PTPRT: variants seen among roughly 807,000 people sequenced by gnomAD.
PTPRT encodes the protein receptor-type tyrosine-protein phosphatase T.
PTPRT carries 56 observed loss-of-function variants against 176.8 expected under a neutral mutation model. The ratio of observed to expected loss-of-function variants is 0.32; its 90% CI spans 0.26 to 0.40. The LOEUF (loss-of-function observed/expected upper bound fraction) is 0.40. Among genes scored for constraint, PTPRT ranks in the 10% least tolerant of loss-of-function variants. PTPRT has a pLI of 1.00. For synonymous variants in PTPRT, 783 were observed against 739.0 expected (o/e 1.06, Z -0.96); for missense variants, 1,540 against 1,908.2 (o/e 0.81, Z 3.60).
intron 8 of PTPRT, among the ~76,000 whole-genome samples, chr20:42,448,718 T>C (rs1320296714): frequency 6.6e-6 from 1 of 152,148 alleles, no homozygotes; most frequent in East Asian, 1.9e-4. Context: ...AGTTTCCAGT[T>C]CTGCCAGAGG....
chr20:43,116,038 G>A (rs1298737766), intron 1 of PTPRT, among the ~76,000 whole-genome samples: 1 of 152,206 alleles, frequency 6.6e-6, no homozygotes, highest in East Asian at 1.9e-4. Context: ...AGTTCCAAAA[G>A]ACAAATCTAA....
intron 9 of PTPRT, among the ~76,000 whole-genome samples, chr20:42,438,126 A>G (rs1360593942): frequency 6.6e-6 from 1 of 152,218 alleles, no homozygotes. Flanking sequence ...CTCTGGGTGC[A>G]CACGCAGTGC....
At chr20:42,128,931 A>G in intron 18 of PTPRT, 101 bp from the exon 19 acceptor site, 1 of 943,858 alleles carries the variant, frequency 1.1e-6, no homozygotes. Flanking sequence ...CATATCAGGC[A>G]TTGTGCTACT....
At chr20:42,086,751 A>ATATATATATATATATAT (rs58059394) in intron 27 of PTPRT, among the ~76,000 whole-genome samples, 21 of 96,458 alleles carry the variant, frequency 2.2e-4, no homozygotes, top group South Asian at 1.1e-3. Flanking sequence ...AAAAAAAAAA[A>ATATATATATATATATAT]AAATATATAT....
chr20:42,124,903 T>A (rs186965778), intron 19 of PTPRT, among the ~76,000 whole-genome samples: 10 of 152,300 alleles, frequency 6.6e-5, no homozygotes, highest in Admixed American at 2.0e-4. Context: ...GATCGCGCCA[T>A]GGGCTCCTAT....
At chr20:43,056,066 G>C (rs1247324696) in intron 1 of PTPRT, among the ~76,000 whole-genome samples, 1 of 152,202 alleles carries the variant, frequency 6.6e-6, no homozygotes, top group Non-Finnish European at 1.5e-5. Context: ...AGTCCACAGA[G>C]AGGAAATGAT....
chr20:42,563,400 T>C (rs2072985258), intron 7 of PTPRT, among the ~76,000 whole-genome samples: 1 of 152,212 alleles, frequency 6.6e-6, no homozygotes, highest in African/African-American at 2.4e-5. Context: ...ACCTCTCATA[T>C]GCTCTTGGTA....
At chr20:42,727,833 G>C (rs115947865) in intron 6 of PTPRT, among the ~76,000 whole-genome samples, 134 of 152,178 alleles carry the variant, frequency 8.8e-4, no homozygotes, top group African/African-American at 3.1e-3. Context: ...AACGTTCTTA[G>C]CTTGGTCAAA....
intron 1 of PTPRT, among the ~76,000 whole-genome samples, chr20:42,960,036 A>G (rs1037073986): frequency 4.0e-5 from 6 of 151,698 alleles, no homozygotes; most frequent in African/African-American, 1.2e-4. Flanking sequence ...CCCATCATCT[A>G]CTCACGGAGT....
intron 9 of PTPRT, among the ~76,000 whole-genome samples, chr20:42,367,859 A>T (rs770057454): frequency 2.6e-5 from 4 of 152,176 alleles, no homozygotes; most frequent in African/African-American, 9.7e-5. Context: ...CCTGGGTGGC[A>T]TGGGGGCTGC....
At chr20:42,407,759 A>G (rs2058975588) in intron 9 of PTPRT, among the ~76,000 whole-genome samples, 1 of 152,202 alleles carries the variant, frequency 6.6e-6, no homozygotes, top group East Asian at 1.9e-4. Flanking sequence ...TCTAAACTTA[A>G]AAAACTTGAG....
At chr20:42,365,288 T>G (rs1005412097) in intron 9 of PTPRT, among the ~76,000 whole-genome samples, 5 of 152,212 alleles carry the variant, frequency 3.3e-5, no homozygotes, top group African/African-American at 1.2e-4. Flanking sequence ...CCAGGGTTTC[T>G]CAATCATTTT....
intron 9 of PTPRT, among the ~76,000 whole-genome samples, chr20:42,371,609 T>C (rs2058588191): frequency 1.3e-5 from 2 of 152,212 alleles, no homozygotes; most frequent in South Asian, 4.1e-4. Flanking sequence ...AGATCCTCAA[T>C]AGATATTTGT....
chr20:42,332,251 C>T (rs182832675), intron 11 of PTPRT, among the ~76,000 whole-genome samples: 81 of 152,066 alleles, frequency 5.3e-4, no homozygotes, highest in Non-Finnish European at 8.8e-5. Flanking sequence ...ACTCTGTCAC[C>T]CAGGCTGGAG....
At chr20:42,773,262 C>A (rs1351197043) in intron 4 of PTPRT, among the ~76,000 whole-genome samples, 1 of 152,146 alleles carries the variant, frequency 6.6e-6, no homozygotes, top group African/African-American at 2.4e-5. Flanking sequence ...TCAGCAAAAG[C>A]CAAGAATCTT....
At chr20:42,169,921 G>C (rs1314296130) in intron 16 of PTPRT, among the ~76,000 whole-genome samples, 1 of 152,064 alleles carries the variant, frequency 6.6e-6, no homozygotes, top group Non-Finnish European at 1.5e-5. Flanking sequence ...GACAAATTCT[G>C]ATGTCCCTAC....
At chr20:42,411,549 A>C (rs933473038) in intron 9 of PTPRT, among the ~76,000 whole-genome samples, 2 of 151,290 alleles carry the variant, frequency 1.3e-5, no homozygotes, top group African/African-American at 4.8e-5. Flanking sequence ...AAGAAAAAAG[A>C]AAAGATCAAT....
rs562301558 is a variant in PTPRT at position 42,108,978 on chromosome 20, C to CTCTT, written c.3254+1351_3254+1354dup. Among the ~76,000 whole-genome samples the CTCTT allele has an allele frequency of 3.5e-4, 54 of 152,318 alleles. 1 individual carries two copies. In the South Asian group the frequency reaches 8.3e-3, roughly 23 times the overall value. The stretch of plus-strand genomic sequence containing the variant: ...TTCTCCCTAACCCTTGATCTGGGTG[C>CTCTT]TCTTTGGGATATAGAGATGGGGGGC... On this transcript the variant is annotated intron_variant, in intron 23 of 30. Coordinates refer to ENST00000373187, the MANE Select transcript of PTPRT (RefSeq NM_007050.6).
intron 7 of PTPRT, among the ~76,000 whole-genome samples, chr20:42,529,330 C>A (rs901094762): frequency 6.6e-6 from 1 of 152,084 alleles, no homozygotes; most frequent in Non-Finnish European, 1.5e-5. Context: ...CGTGAGACCA[C>A]GACTGTCTAA....
Sources: allele counts gnomAD v4.1 joint callset (sites outside exome capture counted in the v4.1 genomes callset), GRCh38; gene constraint gnomAD v4.1.1; transcripts MANE v1.5; gene names NCBI Gene and HGNC (gene_info 2026-07-23, HGNC 2026-07-21).